The following ZNF385B variants were observed in gnomAD, a reference collection of about 807,000 sequenced individuals.
ZNF385B encodes the protein zinc finger protein 385B.
A neutral mutation model predicts 39.2 loss-of-function variants in ZNF385B; 23 were observed. The ratio of observed to expected loss-of-function variants is 0.59; its 90% confidence interval spans 0.42 to 0.83. ZNF385B has a LOEUF of 0.83. Ranked by LOEUF, ZNF385B falls within the 40% of genes least tolerant of loss-of-function variation. ZNF385B has a pLI of 0.00. For missense variants in ZNF385B, 552 were observed against 598.9 expected, an observed-to-expected ratio of 0.92 and a Z score of 0.82; for synonymous variants, 205 against 222.6, an observed-to-expected ratio of 0.92 and a Z score of 0.70.
At chr2:179,453,253 C>T (rs531593066) in intron 6 of ZNF385B, among the ~76,000 whole-genome samples, 86 of 152,260 alleles carry the variant, frequency 5.6e-4, no homozygotes, top group Non-Finnish European at 7.4e-5. Flanking sequence ...CCGAACGAGA[C>T]TTCTGTGGCC....
chr2:179,802,555 TG>T (rs1253367985), intron 1 of ZNF385B: 9 of 152,116 alleles, frequency 5.9e-5, no homozygotes, highest in African/African-American at 2.2e-4. Flanking sequence ...CCATCTGTCT[TG>T]GGAAGATTTG....
At chr2:179,585,308 G>A (rs150000527) in intron 3 of ZNF385B, among the ~76,000 whole-genome samples, 17 of 152,286 alleles carry the variant, frequency 1.1e-4, no homozygotes, top group African/African-American at 3.4e-4. Context: ...GGCTCTCAGA[G>A]TCTCCTGGGT....
intron 4 of ZNF385B, among the ~76,000 whole-genome samples, chr2:179,524,223 A>AT (rs527389938): frequency 7.9e-5 from 12 of 152,156 alleles, no homozygotes; most frequent in Non-Finnish European, 1.2e-4. Context: ...TAGCTCTTCT[A>AT]TTAAACAGAA....
Position 179,444,981 on chromosome 2 carries a change from A to G in ZNF385B, c.1141-4T>C, listed in dbSNP as rs183122712. On this transcript the variant is annotated splice_region_variant and splice_polypyrimidine_tract_variant and intron_variant, in intron 8 of 9. Transcript: ENST00000410066. ...TATGCCTTCGGCTAGAAATGTGCTG[A>G]AAAAGTTTGATGCATTAGCTGGACT... is the stretch of plus-strand genomic sequence containing the variant. The G allele has an allele frequency of 4.0e-4, 651 of 1,613,224 alleles. 5 individuals are homozygous for G. In the African/African-American group the frequency reaches 7.8e-3, roughly 19 times the overall value.
intron 5 of ZNF385B, among the ~76,000 whole-genome samples, chr2:179,506,465 A>G (rs923569291): frequency 2.6e-5 from 4 of 152,152 alleles, no homozygotes; most frequent in Non-Finnish European, 2.9e-5. Flanking sequence ...TAAGAAATAA[A>G]CGAAAATAAA....
chr2:179,743,912 G>A (rs751954295), intron 3 of ZNF385B, among the ~76,000 whole-genome samples: 17 of 151,730 alleles, frequency 1.1e-4, no homozygotes, highest in Non-Finnish European at 1.5e-4. Flanking sequence ...TATTTAACTC[G>A]CCGTACTCAT....
At chr2:179,788,051 T>G (rs959849120) in intron 1 of ZNF385B, among the ~76,000 whole-genome samples, 2 of 152,206 alleles carry the variant, frequency 1.3e-5, no homozygotes, top group African/African-American at 2.4e-5. Context: ...CATTTAAACA[T>G]AGAGAGAATA....
rs143269141 is a variant in ZNF385B at position 179,591,104 on chromosome 2, T to TAC, written c.299-46137_299-46136dup. On this transcript the variant is annotated intron_variant, in intron 3 of 9. Coordinates refer to ENST00000410066, the MANE Select transcript of ZNF385B (RefSeq NM_152520.6). Reference sequence around the variant, plus strand: ...GTCCCAGAGTGGTTCATGATTCATTTACACACACACACACACACACACAAT... The same window carrying TAC: ...GTCCCAGAGTGGTTCATGATTCATTTACACACACACACACACACACACACAAT... Among the ~76,000 whole-genome samples the TAC allele has an allele frequency of 4.8e-3, 726 of 149,804 alleles. 10 individuals carry two copies. Among genetic ancestry groups the TAC allele is most frequent in the African/African-American group, 0.013 (549 of 40,814 alleles).
chr2:179,551,921 CATATGA>C (rs2060601931), intron 3 of ZNF385B, among the ~76,000 whole-genome samples: 1 of 132,164 alleles, frequency 7.6e-6, no homozygotes, highest in South Asian at 2.5e-4. Flanking sequence ...TCCATGTATT[CATATGA>C]ATATGAATTC....
chr2:179,518,665 AT>A (rs2058267255), intron 4 of ZNF385B, 27 bp from the exon 5 acceptor site: 1 of 1,435,268 alleles, frequency 7.0e-7, no homozygotes, highest in Non-Finnish European at 9.5e-7. Flanking sequence ...AAAATAGTCA[AT>A]TTGTAACTTC....
chr2:179,570,734 G>A (rs1038194909), intron 3 of ZNF385B, among the ~76,000 whole-genome samples: 1 of 151,994 alleles, frequency 6.6e-6, no homozygotes, highest in Non-Finnish European at 1.5e-5. Context: ...TTTATGCCAG[G>A]GCTTCTTAAA....
chr2:179,597,664 G>A (rs375235310), intron 3 of ZNF385B, among the ~76,000 whole-genome samples: 165 of 152,194 alleles, frequency 1.1e-3, no homozygotes, highest in African/African-American at 3.8e-3. Flanking sequence ...ATTGATACAA[G>A]TTATATAATA....
chr2:179,471,210 A>G (rs1488068222), intron 6 of ZNF385B, among the ~76,000 whole-genome samples: 2 of 152,202 alleles, frequency 1.3e-5, no homozygotes, highest in Admixed American at 6.5e-5. Context: ...ATTGCAAACT[A>G]TGAAACTCAC....
At chr2:179,608,601 C>G (rs1689019985) in intron 3 of ZNF385B, among the ~76,000 whole-genome samples, 1 of 151,956 alleles carries the variant, frequency 6.6e-6, no homozygotes, top group Non-Finnish European at 1.5e-5. Context: ...TAATCTTTAC[C>G]TCAGGCTCTT....
chr2:179,442,575 A>C lies in ZNF385B; in HGVS notation c.*675T>G, dbSNP rs1049960049. ...ACATTATTTTATCTTTTATTCTCTTACAGAGAAAATTCAAAGCTACTTTGC... is the reference window on the plus strand; with the variant it reads ...ACATTATTTTATCTTTTATTCTCTTCCAGAGAAAATTCAAAGCTACTTTGC... On this transcript the variant is annotated 3_prime_UTR_variant, in exon 10 of 10. Coordinates refer to ENST00000410066, the MANE Select transcript of ZNF385B (RefSeq NM_152520.6). The C allele has an allele frequency of 6.5e-6, 1 of 152,732 alleles. No individual in the cohort carries two copies. Among genetic ancestry groups the C allele is most frequent in the Non-Finnish European group, 1.5e-5 (1 of 68,088 alleles). 9.5% of individuals were successfully genotyped at this position (152,732 alleles called of 1,614,324 possible).
chr2:179,561,196 C>A (rs1168095246), intron 3 of ZNF385B, among the ~76,000 whole-genome samples: 1 of 152,154 alleles, frequency 6.6e-6, no homozygotes, highest in East Asian at 1.9e-4. Context: ...TTATGATCAT[C>A]CCCTGTTTTT....
chr2:179,661,612 C>T (rs935103219), intron 3 of ZNF385B, among the ~76,000 whole-genome samples: 27 of 152,176 alleles, frequency 1.8e-4, no homozygotes, highest in African/African-American at 6.5e-4. Context: ...ATTGCTCTAC[C>T]TTATTAGGTT....
chr2:179,556,686 C>T (rs918856057), intron 3 of ZNF385B, among the ~76,000 whole-genome samples: 7 of 149,266 alleles, frequency 4.7e-5, no homozygotes, highest in Non-Finnish European at 1.0e-4. Context: ...GCTACATTTG[C>T]CTGGTGACTC....
chr2:179,614,999 T>G (rs181563439), intron 3 of ZNF385B, among the ~76,000 whole-genome samples: 1 of 152,336 alleles, frequency 6.6e-6, no homozygotes, highest in African/African-American at 2.4e-5. Context: ...TTATGCCTGC[T>G]ATTGGGTGCA....
Sources: allele counts gnomAD v4.1 joint callset (sites outside exome capture counted in the v4.1 genomes callset), GRCh38; gene constraint gnomAD v4.1.1; transcripts MANE v1.5; gene names NCBI Gene and HGNC (gene_info 2026-07-23, HGNC 2026-07-21).